The following HDAC4 variants were observed in gnomAD, a reference collection of about 807,000 sequenced individuals.
The protein encoded by HDAC4 is histone deacetylase 4, also known as histone deacetylase A.
In HDAC4, 16 loss-of-function variants were observed where a neutral mutation model predicts 135.1. That is an observed-to-expected ratio of 0.12 (90% CI 0.08 to 0.18). The LOEUF (loss-of-function observed/expected upper bound fraction) is 0.18. Among genes scored for constraint, HDAC4 ranks in the 10% least tolerant of loss-of-function variants. The probability of loss-of-function intolerance (pLI) is 1.00; values close to 1 mark genes in which losing one functional copy is unlikely to be tolerated. For synonymous variants in HDAC4, 685 were observed against 653.4 expected (o/e 1.05, Z -0.74); for missense variants, 1,143 against 1,511.8 (o/e 0.76, Z 4.05).
chr2:239,283,490 C>T (rs1053212155), intron 2 of HDAC4, among the ~76,000 whole-genome samples: 4 of 152,214 alleles, frequency 2.6e-5, no homozygotes, highest in Admixed American at 6.5e-5. Flanking sequence ...GGGCCTGGGA[C>T]GCCACTGCCG....
intron 2 of HDAC4, among the ~76,000 whole-genome samples, chr2:239,250,409 G>A (rs529607777): frequency 6.6e-6 from 1 of 152,340 alleles, no homozygotes; most frequent in Admixed American, 6.5e-5. Context: ...ATTGAAGGCT[G>A]TGAAAATGTG....
chr2:239,192,232 A>G (rs2411429), intron 3 of HDAC4, among the ~76,000 whole-genome samples: 18,020 of 109,728 alleles, frequency 0.16, 1,593 homozygotes, highest in Admixed American at 0.29. Context: ...GGGTCCACCC[A>G]CCCCCCACCC....
chr2:239,297,904 G>A (rs561707628), intron 2 of HDAC4, among the ~76,000 whole-genome samples: 13 of 152,290 alleles, frequency 8.5e-5, no homozygotes, highest in Admixed American at 6.5e-4. Context: ...GAATTCAAGC[G>A]GCAACATGTG....
intron 1 of HDAC4, among the ~76,000 whole-genome samples, chr2:239,378,265 C>T (rs1695166567): frequency 6.6e-6 from 1 of 152,150 alleles, no homozygotes; most frequent in Non-Finnish European, 1.5e-5. Flanking sequence ...AGCACCCAGG[C>T]ACATAAAGTC....
intron 2 of HDAC4, among the ~76,000 whole-genome samples, chr2:239,270,192 C>T (rs893733695): frequency 3.3e-5 from 5 of 152,220 alleles, no homozygotes; most frequent in Non-Finnish European, 7.3e-5. Flanking sequence ...TCGGGCTGCA[C>T]TGGAGCAGCT....
intron 2 of HDAC4, among the ~76,000 whole-genome samples, chr2:239,241,537 C>T (rs2048175431): frequency 6.6e-6 from 1 of 152,208 alleles, no homozygotes; most frequent in South Asian, 2.1e-4. Flanking sequence ...CATTAATCCT[C>T]TGTCAATTAA....
In HDAC4 at chr2:239,051,430, T is replaced by C. The variant is rs553331879; in HGVS notation, c.*1667A>G. On this transcript the variant is annotated 3_prime_UTR_variant, in exon 27 of 27. Coordinates refer to ENST00000543185, the MANE Select transcript of HDAC4 (RefSeq NM_001378414.1). The stretch of plus-strand genomic sequence containing the variant: ...AAAACCTTTGAAAGGTAAAAAAAAA[T>C]GTACAAGCAAGAATTCAGAAAGGAA... 4 of 152,022 alleles carry C rather than the reference T, an allele frequency of 2.6e-5. No individual in the cohort carries two copies. The East Asian group carries it at 5.8e-4, about 22-fold the overall frequency. 9.4% of individuals were successfully genotyped at this position (152,022 alleles called of 1,614,324 possible).
chr2:239,176,703 C>A (rs1017271953), intron 4 of HDAC4, 140 bp from the exon 5 acceptor site: 15 of 695,104 alleles, frequency 2.2e-5, no homozygotes, highest in Non-Finnish European at 3.6e-5. Flanking sequence ...CCCTGCACTG[C>A]TGCTATTTCA....
At chr2:239,227,313 T>C (rs1559253134) in intron 3 of HDAC4, among the ~76,000 whole-genome samples, 1 of 152,120 alleles carries the variant, frequency 6.6e-6, no homozygotes, top group Non-Finnish European at 1.5e-5. Flanking sequence ...CAGTGGAAGC[T>C]GGCCAGCTAC....
chr2:239,367,333 C>T (rs1351170868), intron 1 of HDAC4, among the ~76,000 whole-genome samples: 1 of 152,162 alleles, frequency 6.6e-6, no homozygotes, highest in African/African-American at 2.4e-5. Context: ...AAAATGATGC[C>T]TCTCTTCTCA....
intron 1 of HDAC4, among the ~76,000 whole-genome samples, chr2:239,368,290 G>T (rs1211146122): frequency 6.6e-6 from 1 of 152,192 alleles, no homozygotes; most frequent in Non-Finnish European, 1.5e-5. Flanking sequence ...TGTGAGGGAT[G>T]TGGGGCCCGC....
chr2:239,239,093 G>A lies in HDAC4; in HGVS notation c.23-2429C>T, dbSNP rs1009743492. On this transcript the variant is annotated intron_variant, in intron 2 of 26. Transcript: ENST00000543185. ...ACCAGCCAACTGGCACCAACTGGGC[G>A]TCCAATGATCCAGTTCCACTCTGAC... Among the ~76,000 whole-genome samples, 13 of 152,146 alleles carry A rather than the reference G, an allele frequency of 8.5e-5. 1 individual carries two copies. Among genetic ancestry groups the A allele is most frequent in the Non-Finnish European group, 1.8e-4 (12 of 68,034 alleles).
intron 3 of HDAC4, among the ~76,000 whole-genome samples, chr2:239,200,168 G>A (rs138165044): frequency 3.3e-5 from 5 of 152,286 alleles, no homozygotes; most frequent in African/African-American, 4.8e-5. Flanking sequence ...CTTTACTGGC[G>A]TTTTTGTGAA....
chr2:239,320,382 CAAAAAAAAA>C (rs11343522), intron 2 of HDAC4, among the ~76,000 whole-genome samples: 3 of 61,334 alleles, frequency 4.9e-5, no homozygotes, highest in East Asian at 3.8e-4. Context: ...GACTTCATCT[CAAAAAAAAA>C]AAAAAAAAAA....
At chr2:239,244,607 G>A (rs530951694) in intron 2 of HDAC4, among the ~76,000 whole-genome samples, 34 of 152,272 alleles carry the variant, frequency 2.2e-4, no homozygotes, top group Non-Finnish European at 4.4e-4. Flanking sequence ...GAAGTTCAGT[G>A]GGCTGAAATG....
At chr2:239,117,428 G>A (rs1352043709) in intron 12 of HDAC4, among the ~76,000 whole-genome samples, 2 of 152,154 alleles carry the variant, frequency 1.3e-5, no homozygotes, top group Admixed American at 6.5e-5. Context: ...AGAGGCAAGA[G>A]AGGGTGGCCA....
chr2:239,302,429 C>T (rs974788830), intron 2 of HDAC4, among the ~76,000 whole-genome samples: 7 of 152,250 alleles, frequency 4.6e-5, no homozygotes, highest in African/African-American at 1.7e-4. Flanking sequence ...GAGGCCCTTC[C>T]ACAGGAATCC....
rs970808527 is a variant in HDAC4, at chr2:239,245,939, C to T, written c.23-9275G>A. Among the ~76,000 whole-genome samples, 9 of 152,138 alleles carry T rather than the reference C, an allele frequency of 5.9e-5. No individual in the cohort carries two copies. Among genetic ancestry groups the T allele is most frequent in the African/African-American group, 1.2e-4 (5 of 41,412 alleles). On this transcript the variant is annotated intron_variant, in intron 2 of 26. Transcript: ENST00000543185. This position sits in a 1 kb window ranked among gnomAD's most constrained non-coding sequence, Gnocchi z 4.4. ...CGAGCAGGCCCTGAGCGTCTGGGAACGTGAGAGTGAGCAACGCAGAGGCCT... is the reference window on the plus strand; with the variant it reads ...CGAGCAGGCCCTGAGCGTCTGGGAATGTGAGAGTGAGCAACGCAGAGGCCT...
intron 12 of HDAC4, among the ~76,000 whole-genome samples, chr2:239,124,236 C>T (rs550836637): frequency 6.6e-6 from 1 of 152,150 alleles, no homozygotes; most frequent in Non-Finnish European, 1.5e-5. Context: ...GCAGTCATCA[C>T]CATATCTAAT....
Sources: allele counts gnomAD v4.1 joint callset (sites outside exome capture counted in the v4.1 genomes callset), GRCh38; gene constraint gnomAD v4.1.1; non-coding constraint Gnocchi (gnomAD v3.1); transcripts MANE v1.5; gene names NCBI Gene and HGNC (gene_info 2026-07-23, HGNC 2026-07-21).